NAV3: variants seen among roughly 807,000 people sequenced by gnomAD.
NAV3 encodes the protein neuron navigator 3, also known as pore membrane and/or filament interacting like protein 1.
A neutral mutation model predicts 244.7 loss-of-function variants in NAV3; 87 were observed. That is an observed-to-expected ratio of 0.36 (90% CI 0.30 to 0.42). The LOEUF (loss-of-function observed/expected upper bound fraction) is 0.42. Ranked by LOEUF, NAV3 falls within the 20% of genes least tolerant of loss-of-function variation. The pLI is 1.00. For missense variants in NAV3, 2,663 were observed against 2,893.3 expected (o/e 0.92, Z 1.83); for synonymous variants, 1,126 against 1,042.2 (o/e 1.08, Z -1.55).
chr12:78,049,154 C>T (rs565234135), intron 9 of NAV3, among the ~76,000 whole-genome samples: 2 of 152,322 alleles, frequency 1.3e-5, no homozygotes, highest in Admixed American at 1.3e-4. Flanking sequence ...GCTTGCTGGG[C>T]TCCACAGGGG....
Position 78,188,353 on chromosome 12 carries a change from G to A in NAV3, c.5886+10G>A, listed in dbSNP as rs1958819191. The A allele has an allele frequency of 6.3e-7, 1 of 1,591,732 alleles. No homozygotes were observed. Among genetic ancestry groups the A allele is most frequent in the Non-Finnish European group, 8.6e-7 (1 of 1,162,432 alleles). The stretch of plus-strand genomic sequence containing the variant: ...AAGACGTCTCTTTAAGGTATGTTGT[G>A]CAAGACACCCTAATAGTACTTTTCA... On this transcript the variant is annotated intron_variant, in intron 32 of 39. Coordinates refer to ENST00000397909, the MANE Select transcript of NAV3 (RefSeq NM_001024383.2).
chr12:77,689,227 G>C (rs1484026921), intron 2 of NAV3, among the ~76,000 whole-genome samples: 1 of 151,902 alleles, frequency 6.6e-6, no homozygotes, highest in Non-Finnish European at 1.5e-5. Flanking sequence ...TTGAACATCT[G>C]CTGCTAGGGG....
At chr12:77,825,889 C>T (rs150864918) in intron 2 of NAV3, among the ~76,000 whole-genome samples, 2 of 152,100 alleles carry the variant, frequency 1.3e-5, no homozygotes, top group East Asian at 3.9e-4. Flanking sequence ...AGATATTTCA[C>T]CAAAGATGAT....
chr12:77,671,657 G>A (rs1278670606), intron 2 of NAV3, among the ~76,000 whole-genome samples: 1 of 152,076 alleles, frequency 6.6e-6, no homozygotes, highest in Non-Finnish European at 1.5e-5. Context: ...AAAACGCAGA[G>A]TGGGGAAAGG....
At chr12:78,094,790 T>A (rs1954143534) in intron 12 of NAV3, among the ~76,000 whole-genome samples, 1 of 152,012 alleles carries the variant, frequency 6.6e-6, no homozygotes, top group Non-Finnish European at 1.5e-5. Context: ...GGCTCATGCC[T>A]GTAATCCCAG....
chr12:77,912,390 G>C (rs1202074106), intron 1 of NAV3, among the ~76,000 whole-genome samples: 4 of 152,066 alleles, frequency 2.6e-5, no homozygotes, highest in Non-Finnish European at 5.9e-5. Flanking sequence ...GTATTCCTTT[G>C]AGTTGACTTG....
chr12:78,026,279 C>T (rs1033064822), intron 9 of NAV3, among the ~76,000 whole-genome samples: 34 of 152,238 alleles, frequency 2.2e-4, no homozygotes, highest in African/African-American at 6.0e-4. Flanking sequence ...ACAATCTTTC[C>T]GCTTGAATAT....
chr12:77,778,587 G>A (rs999097702), intron 2 of NAV3, among the ~76,000 whole-genome samples: 6 of 149,646 alleles, frequency 4.0e-5, no homozygotes, highest in Non-Finnish European at 8.9e-5. Context: ...ACTCCAGCCT[G>A]GGCAACAGAG....
chr12:78,078,965 G>T (rs1008964281), intron 12 of NAV3, among the ~76,000 whole-genome samples: 1 of 152,192 alleles, frequency 6.6e-6, no homozygotes, highest in Admixed American at 6.5e-5. Context: ...AAATAATGTT[G>T]CTGGTTTTTA....
chr12:77,711,075 G>A (rs563978022), intron 2 of NAV3, among the ~76,000 whole-genome samples: 17 of 152,226 alleles, frequency 1.1e-4, no homozygotes, highest in East Asian at 9.6e-4. Flanking sequence ...TGACGCAACC[G>A]GAAATTATGT....
At chr12:78,039,065 T>G (rs1299653510) in intron 9 of NAV3, among the ~76,000 whole-genome samples, 2 of 152,134 alleles carry the variant, frequency 1.3e-5, no homozygotes, top group Non-Finnish European at 2.9e-5. Context: ...GTATTTTTTT[T>G]CCTACTTATG....
chr12:78,157,865 T>C (rs979045932), intron 22 of NAV3, among the ~76,000 whole-genome samples: 1 of 151,970 alleles, frequency 6.6e-6, no homozygotes, highest in African/African-American at 2.4e-5. Flanking sequence ...AGAGTTGTTC[T>C]GATAGATTAA....
rs531262326 is a variant in NAV3 at position 77,870,361 on chromosome 12, C to T, written c.243+38657C>T. ...TCTTGGTAACAGAGTGAGACTCCATCTCAAAAAAAAAAAAAAAAAGAAAAG... is the reference window on the plus strand; with the variant it reads ...TCTTGGTAACAGAGTGAGACTCCATTTCAAAAAAAAAAAAAAAAAGAAAAG... On this transcript the variant is annotated intron_variant, in intron 1 of 39. Transcript: ENST00000397909. 5.9e-3 allele frequency among the ~76,000 whole-genome samples: 577 copies of T among 97,922 alleles called. 3 individuals are homozygous for T. Among genetic ancestry groups the T allele is most frequent in the African/African-American group, 0.019 (554 of 29,364 alleles). 64.2% of individuals were successfully genotyped at this position (97,922 alleles called of 152,430 possible). A position where few individuals can be genotyped will look rare whatever the true frequency, so the allele number is the denominator to read the frequency against.
intron 1 of NAV3, among the ~76,000 whole-genome samples, chr12:77,921,428 A>T (rs1441873931): frequency 6.6e-6 from 1 of 152,110 alleles, no homozygotes; most frequent in Non-Finnish European, 1.5e-5. Flanking sequence ...AAAAATCCTG[A>T]AACCGAGAAG....
intron 12 of NAV3, 57 bp from the exon 13 acceptor site, chr12:78,116,715 T>G (rs2138511559): frequency 7.0e-7 from 1 of 1,424,810 alleles, no homozygotes; most frequent in East Asian, 2.6e-5. Context: ...GAAATGTAGG[T>G]GACTTGCATT....
chr12:77,720,169 C>CGG (rs1565785890), intron 2 of NAV3, among the ~76,000 whole-genome samples: 1 of 151,564 alleles, frequency 6.6e-6, no homozygotes, highest in Non-Finnish European at 1.5e-5. Context: ...CTCTCTCTCT[C>CGG]TCTCTCTCTC....
At chr12:78,169,257 A>G (rs1289153603) in intron 24 of NAV3, among the ~76,000 whole-genome samples, 1 of 151,760 alleles carries the variant, frequency 6.6e-6, no homozygotes, top group African/African-American at 2.4e-5. Flanking sequence ...TTTAAAAATG[A>G]AATAGTCAAT....
At chr12:77,678,187 G>C (rs1478855996) in intron 2 of NAV3, among the ~76,000 whole-genome samples, 2 of 151,908 alleles carry the variant, frequency 1.3e-5, no homozygotes, top group African/African-American at 2.4e-5. Context: ...AAATGGAAGT[G>C]GTACATTAGG....
chr12:77,758,734 C>A (rs1869317606), intron 2 of NAV3, among the ~76,000 whole-genome samples: 2 of 151,928 alleles, frequency 1.3e-5, no homozygotes, highest in Non-Finnish European at 2.9e-5. Context: ...TACACTTAGG[C>A]AAATGAGCTA....
Sources: gnomAD v4.1 joint callset for allele counts (sites outside exome capture counted in the v4.1 genomes callset) on GRCh38, gnomAD v4.1.1 for gene constraint, MANE v1.5 for transcripts, NCBI Gene and HGNC (gene_info 2026-07-23, HGNC 2026-07-21) for gene names.